CHL1: variants seen among roughly 807,000 people sequenced by gnomAD.
CHL1 encodes cell adhesion molecule L1 like.
Under a neutral mutation model 141.9 loss-of-function variants are expected in CHL1, and 96 were observed. That is an observed-to-expected ratio of 0.68 (90% CI 0.57 to 0.80). The LOEUF (loss-of-function observed/expected upper bound fraction) is 0.80. Among genes scored for constraint, CHL1 ranks in the 30% least tolerant of loss-of-function variants. The pLI, the probability that CHL1 is intolerant of heterozygous loss-of-function variation, is 0.00. For missense variants in CHL1, 1,820 were observed against 1,457.2 expected (o/e 1.25, Z -4.05); for synonymous variants, 613 against 502.2 (o/e 1.22, Z -2.95).
intron 8 of CHL1, among the ~76,000 whole-genome samples, chr3:343,396 C>A (rs952733741): frequency 6.6e-6 from 1 of 152,154 alleles, no homozygotes; most frequent in East Asian, 1.9e-4. Context: ...AGAGAAAACA[C>A]TGCGTTTAAG....
At chr3:385,641 A>AAT (rs1011255104) in intron 19 of CHL1, 5 of 152,146 alleles carry the variant, frequency 3.3e-5, no homozygotes, top group African/African-American at 9.7e-5. Context: ...CAGCCTGGAC[A>AAT]ATATGGTGAA....
intron 16 of CHL1, among the ~76,000 whole-genome samples, chr3:379,746 A>G (rs1213726787): frequency 6.6e-6 from 1 of 152,186 alleles, no homozygotes. Flanking sequence ...GTAATCTACC[A>G]GTGTTTACAG....
intron 19 of CHL1, chr3:385,657 A>G (rs1575251004): frequency 6.6e-6 from 1 of 151,992 alleles, no homozygotes; most frequent in African/African-American, 2.4e-5. Flanking sequence ...GTGAAACTGC[A>G]TCTCTACTAA....
At chr3:235,884 A>G (rs13085405) in intron 1 of CHL1, among the ~76,000 whole-genome samples, 13,999 of 152,252 alleles carry the variant, frequency 0.092, 866 homozygotes, top group African/African-American at 0.18. Flanking sequence ...CTCTGCCGTC[A>G]TACTCCAAGG....
chr3:266,778 A>G (rs1559357900), intron 2 of CHL1, among the ~76,000 whole-genome samples: 1 of 152,232 alleles, frequency 6.6e-6, no homozygotes, highest in African/African-American at 2.4e-5. Context: ...TGCTCTCCAG[A>G]TTAGCAAGGC....
chr3:304,309 A>G (rs772533664), intron 2 of CHL1, among the ~76,000 whole-genome samples: 1 of 152,182 alleles, frequency 6.6e-6, no homozygotes, highest in Non-Finnish European at 1.5e-5. Context: ...TAGTTTCAGA[A>G]GGAATGGTAC....
intron 19 of CHL1, among the ~76,000 whole-genome samples, chr3:388,032 C>T (rs1707898368): frequency 6.6e-6 from 1 of 152,144 alleles, no homozygotes; most frequent in Non-Finnish European, 1.5e-5. Flanking sequence ...ACATTGTTGA[C>T]TCACTCACAT....
chr3:292,387 C>G (rs1697769787), intron 2 of CHL1, among the ~76,000 whole-genome samples: 1 of 152,252 alleles, frequency 6.6e-6, no homozygotes, highest in South Asian at 2.1e-4. Context: ...AGTATTTTTA[C>G]TTATGGAAAG....
intron 3 of CHL1, among the ~76,000 whole-genome samples, chr3:322,647 T>TA (rs1553564804): frequency 2.2e-5 from 1 of 44,796 alleles, no homozygotes; most frequent in Non-Finnish European, 3.6e-5. Context: ...ATATATAAAA[T>TA]ATATATATAT....
chr3:205,893 A>T (rs1699391162), intron 1 of CHL1, among the ~76,000 whole-genome samples: 2 of 152,222 alleles, frequency 1.3e-5, no homozygotes, highest in South Asian at 4.1e-4. Context: ...ATGCAGACAC[A>T]GAAGGGTCCT....
intron 2 of CHL1, chr3:248,647 C>G (rs1206584006): frequency 2.0e-5 from 3 of 152,100 alleles, no homozygotes; most frequent in Non-Finnish European, 4.4e-5. Flanking sequence ...TTAATAGGCT[C>G]AAGCTCAATC....
At chr3:283,330 T>C (rs1052806694) in intron 2 of CHL1, among the ~76,000 whole-genome samples, 3 of 152,234 alleles carry the variant, frequency 2.0e-5, no homozygotes, top group Non-Finnish European at 4.4e-5. Context: ...GAATGAATTA[T>C]GTGGAGACAT....
chr3:366,016 A>G lies in CHL1; in HGVS notation c.1652A>G (p.His551Arg), dbSNP rs564844235. ...CCCAAATTGCATATGCTTGAATTAC[A>G]TTGTGAAAGCAAATGTGACTCACAT... ...RIPKLHMLEL[H>R]CESKCDSHLK... Residue 551 changes from histidine to arginine, a missense_variant, in exon 15 of 28, where the codon CAT becomes CGT. His to Arg is a conservative substitution (Grantham distance 29). Transcript: ENST00000256509. The G allele has an allele frequency of 1.4e-5, 23 of 1,613,460 alleles. 1 individual carries two copies. In the South Asian group the frequency reaches 2.2e-4, roughly 15 times the overall value.
intron 15 of CHL1, among the ~76,000 whole-genome samples, chr3:372,101 A>G (rs1301854861): frequency 1.3e-5 from 2 of 151,986 alleles, no homozygotes; most frequent in African/African-American, 4.8e-5. Flanking sequence ...TAATCTTCTC[A>G]TGGAGTATCT....
intron 5 of CHL1, among the ~76,000 whole-genome samples, chr3:337,517 TC>T (rs1415625859): frequency 3.7e-4 from 51 of 138,452 alleles, no homozygotes; most frequent in Admixed American, 2.9e-3. Flanking sequence ...CCCTCCCCTC[TC>T]CCCCCACCCC....
chr3:326,288 A>G (rs1255193541), intron 4 of CHL1, among the ~76,000 whole-genome samples: 1 of 152,062 alleles, frequency 6.6e-6, no homozygotes, highest in East Asian at 1.9e-4. Context: ...GGCTGTTATT[A>G]AAATACTTAG....
At chr3:233,717 C>A (rs1691640124) in intron 1 of CHL1, among the ~76,000 whole-genome samples, 2 of 152,046 alleles carry the variant, frequency 1.3e-5, no homozygotes, top group Admixed American at 6.6e-5. Context: ...TAATATTATA[C>A]AAAGTCTCAG....
intron 23 of CHL1, among the ~76,000 whole-genome samples, chr3:393,594 A>G (rs1247861316): frequency 1.3e-5 from 2 of 152,144 alleles, no homozygotes; most frequent in East Asian, 3.9e-4. Flanking sequence ...TTTGCTTTCT[A>G]TTAATATTAA....
chr3:383,934 C>G (rs1225712740), intron 19 of CHL1, 48 bp downstream of exon 19: 1 of 1,295,268 alleles, frequency 7.7e-7, no homozygotes, highest in Admixed American at 1.7e-5. Flanking sequence ...TTTTCTCTTC[C>G]TCTTAGGTCT....
Sources: allele counts gnomAD v4.1 joint callset (sites outside exome capture counted in the v4.1 genomes callset), GRCh38; gene constraint gnomAD v4.1.1; transcripts MANE v1.5; gene names NCBI Gene and HGNC (gene_info 2026-07-23, HGNC 2026-07-21).